Variants in GALNTL6 observed in about 807,000 individuals in gnomAD.
The protein encoded by GALNTL6 is polypeptide N-acetylgalactosaminyltransferase-like 6.
In GALNTL6, 46 loss-of-function variants were observed where a neutral mutation model predicts 73.7. The observed-to-expected ratio is 0.62, with a 90% CI of 0.49 to 0.80. The LOEUF (loss-of-function observed/expected upper bound fraction) is 0.80, where lower values mean the gene tolerates loss of function less well. Ranked by LOEUF, GALNTL6 falls within the 30% of genes least tolerant of loss-of-function variation. The pLI, the probability that GALNTL6 is intolerant of heterozygous loss-of-function variation, is 0.00. For missense variants in GALNTL6, 604 were observed against 755.0 expected (o/e 0.80, Z 2.34); for synonymous variants, 259 against 263.7 (o/e 0.98, Z 0.17).
At chr4:172,900,651 G>GA (rs372409602) in intron 8 of GALNTL6, among the ~76,000 whole-genome samples, 8 of 151,894 alleles carry the variant, frequency 5.3e-5, no homozygotes, top group Non-Finnish European at 8.8e-5. Context: ...AAGCATTAAA[G>GA]AAAAAAAATG....
intron 5 of GALNTL6, among the ~76,000 whole-genome samples, chr4:172,540,548 C>G (rs1034064870): frequency 6.6e-6 from 1 of 151,942 alleles, no homozygotes; most frequent in African/African-American, 2.4e-5. Context: ...ATCCAAGAAG[C>G]CTTGACTAAG....
intron 2 of GALNTL6, among the ~76,000 whole-genome samples, chr4:172,015,519 AGTG>A (rs1246614803): frequency 6.6e-6 from 1 of 152,068 alleles, no homozygotes; most frequent in Non-Finnish European, 1.5e-5. Flanking sequence ...GTATATTTTA[AGTG>A]AAGCATTTGG....
chr4:171,908,969 G>A lies in GALNTL6; in HGVS notation c.138+94251G>A, dbSNP rs575737355. Among the ~76,000 whole-genome samples the A allele has an allele frequency of 1.9e-4, 25 of 131,428 alleles. No individual in the cohort carries two copies. In the South Asian group the frequency reaches 3.0e-3, roughly 16 times the overall value. The allele number at this position is 131,428 out of a possible 152,430, so 86.2% of individuals were successfully genotyped here. A position where few individuals can be genotyped will look rare whatever the true frequency, so the allele number is the denominator to read the frequency against. On this transcript the variant is annotated intron_variant, in intron 2 of 12. Coordinates refer to ENST00000506823, the MANE Select transcript of GALNTL6 (RefSeq NM_001034845.3). ...TGAGAACACATGGACACAGGAAGGGGAACATCACACTCTGGGGACTGTTGT... is the reference window on the plus strand; with the variant it reads ...TGAGAACACATGGACACAGGAAGGGAAACATCACACTCTGGGGACTGTTGT...
intron 5 of GALNTL6, among the ~76,000 whole-genome samples, chr4:172,658,145 G>A (rs1340907767): frequency 0.039 from 9 of 230 alleles, no homozygotes; most frequent in Admixed American, 0.1. Context: ...GCGAGACTCC[G>A]TCTCAAAAAA....
intron 10 of GALNTL6, among the ~76,000 whole-genome samples, chr4:172,994,386 G>C (rs959637714): frequency 1.3e-5 from 2 of 152,136 alleles, no homozygotes; most frequent in South Asian, 2.1e-4. Context: ...TTTGATTTTA[G>C]AGCAGGAGTT....
At chr4:172,090,482 G>A (rs539729541) in intron 2 of GALNTL6, among the ~76,000 whole-genome samples, 108 of 152,094 alleles carry the variant, frequency 7.1e-4, no homozygotes, top group African/African-American at 2.3e-3. Flanking sequence ...TATGTTTGTC[G>A]GCTGCATAAA....
intron 4 of GALNTL6, among the ~76,000 whole-genome samples, chr4:172,313,419 G>C (rs1479046724): frequency 1.3e-5 from 2 of 151,976 alleles, no homozygotes; most frequent in Non-Finnish European, 2.9e-5. Context: ...ACCGTGCCCG[G>C]TCCCCACCCC....
At chr4:172,986,719 T>C (rs1049348956) in intron 10 of GALNTL6, among the ~76,000 whole-genome samples, 10 of 152,178 alleles carry the variant, frequency 6.6e-5, no homozygotes, top group Non-Finnish European at 1.5e-4. Context: ...AAGAGATATT[T>C]CTATGGAAAC....
At chr4:172,773,879 A>T (rs1326159933) in intron 5 of GALNTL6, among the ~76,000 whole-genome samples, 1 of 152,200 alleles carries the variant, frequency 6.6e-6, no homozygotes, top group African/African-American at 2.4e-5. Flanking sequence ...ATCCCATCAA[A>T]TACAATTGGC....
chr4:172,647,201 G>GA lies in GALNTL6; in HGVS notation c.554-162156dup, dbSNP rs528968429. 3.1e-3 allele frequency among the ~76,000 whole-genome samples: 477 copies of GA among 152,202 alleles called. 5 individuals carry two copies. The highest frequency in any genetic ancestry group is 0.011 in the African/African-American group (464 of 41,552). On this transcript the variant is annotated intron_variant, in intron 5 of 12. Transcript: ENST00000506823. ...ATCCTCATTCCCTTTCACCCAGATA[G>GA]AAAATGCCAGGTAGACTTTAGGAGA...
chr4:172,488,237 G>A (rs183153351), intron 5 of GALNTL6, among the ~76,000 whole-genome samples: 3 of 152,162 alleles, frequency 2.0e-5, no homozygotes, highest in Admixed American at 1.3e-4. Context: ...AAAGACTAGT[G>A]TGTTTCTGAT....
chr4:172,175,376 T>C (rs72700979), intron 2 of GALNTL6, among the ~76,000 whole-genome samples: 9,775 of 152,090 alleles, frequency 0.064, 514 homozygotes, highest in African/African-American at 0.15. Flanking sequence ...TAATTATAGG[T>C]ATGAGCCACA....
intron 2 of GALNTL6, among the ~76,000 whole-genome samples, chr4:172,093,005 C>T (rs1560920071): frequency 6.6e-6 from 1 of 151,614 alleles, no homozygotes; most frequent in Admixed American, 6.6e-5. Context: ...TCCCGAGTAG[C>T]TGGGACTACA....
rs567344584 is a variant in GALNTL6, at chr4:172,025,547, A to T, written c.139-204109A>T. Among the ~76,000 whole-genome samples, 15 of 151,776 alleles carry T rather than the reference A, an allele frequency of 9.9e-5. No individual in the cohort carries two copies. The East Asian group carries it at 2.5e-3, about 25-fold the overall frequency. ...TTTATTATACACTATTTTATCATTT[A>T]AAAAAAAGGGAATAGTTGAGACCCA... is the stretch of plus-strand genomic sequence containing the variant. On this transcript the variant is annotated intron_variant, in intron 2 of 12. Coordinates refer to ENST00000506823, the MANE Select transcript of GALNTL6 (RefSeq NM_001034845.3).
chr4:172,943,240 G>A (rs908658866), intron 9 of GALNTL6, among the ~76,000 whole-genome samples: 1 of 152,038 alleles, frequency 6.6e-6, no homozygotes, highest in African/African-American at 2.4e-5. Flanking sequence ...CCATGTCGCA[G>A]AAAGCAAGCC....
chr4:172,229,808 A>C, intron 3 of GALNTL6, 44 bp downstream of exon 3: 3 of 1,175,624 alleles, frequency 2.6e-6, no homozygotes, highest in Non-Finnish European at 3.8e-6. Context: ...CACTCGCAGC[A>C]GTGTCTCATT....
chr4:171,830,302 CT>C (rs1340543652), intron 2 of GALNTL6, among the ~76,000 whole-genome samples: 1 of 152,112 alleles, frequency 6.6e-6, no homozygotes, highest in African/African-American at 2.4e-5. Context: ...TTTAAGCTGC[CT>C]AGTTTGTGGA....
intron 2 of GALNTL6, among the ~76,000 whole-genome samples, chr4:171,888,707 C>T (rs1044551721): frequency 1.3e-5 from 2 of 152,038 alleles, no homozygotes; most frequent in African/African-American, 4.8e-5. Flanking sequence ...CCAGCCTTTC[C>T]TTTGAAAGAG....
intron 5 of GALNTL6, among the ~76,000 whole-genome samples, chr4:172,427,501 C>T (rs1731275811): frequency 6.6e-6 from 1 of 152,014 alleles, no homozygotes; most frequent in Non-Finnish European, 1.5e-5. Context: ...GGGACACAGC[C>T]ACACCATATC....
Sources: gnomAD v4.1 joint callset for allele counts (sites outside exome capture counted in the v4.1 genomes callset) on GRCh38, gnomAD v4.1.1 for gene constraint, MANE v1.5 for transcripts, NCBI Gene and HGNC (gene_info 2026-07-23, HGNC 2026-07-21) for gene names.